FRMD7: variants seen among roughly 807,000 people sequenced by gnomAD.
FRMD7 encodes FERM domain-containing protein 7.
Under a neutral mutation model 44.1 loss-of-function variants are expected in FRMD7, and 14 were observed. The observed-to-expected ratio is 0.32, with a 90% CI of 0.21 to 0.50. The LOEUF is 0.50. Ranked by LOEUF, FRMD7 falls within the 20% of genes least tolerant of loss-of-function variation. FRMD7 has a pLI of 0.99. For missense variants in FRMD7, 501 were observed against 522.3 expected, an observed-to-expected ratio of 0.96 and a Z score of 0.40; for synonymous variants, 212 against 187.4, an observed-to-expected ratio of 1.13 and a Z score of -1.07.
rs187616822 is a variant in FRMD7 at position 132,080,338 on chromosome X, G to A, written c.906-72C>T. On this transcript the variant is annotated intron_variant, in intron 9 of 11. Transcript: ENST00000298542. ...TAGGCTACTAAAACTTGAAAGCCTC[G>A]TTTATTGTTGAAATCAAAAGACTAG... The A allele has an allele frequency of 1.9e-4, 130 of 668,365 alleles. 1 individual carries two copies. The highest frequency in any genetic ancestry group is 1.9e-3 in the African/African-American group (90 of 46,345). The allele number at this position is 668,365 out of a possible 1,213,427, so 55.1% of individuals were successfully genotyped here.
chrX:132,120,633 G>A (rs887799978), intron 1 of FRMD7, among the ~76,000 whole-genome samples: 1 of 112,333 alleles, frequency 8.9e-6, no homozygotes, highest in Non-Finnish European at 1.9e-5. Flanking sequence ...GAGTGGGAGT[G>A]GGAAGGCTGG....
chrX:132,116,983 C>G (rs1420279298), intron 1 of FRMD7, among the ~76,000 whole-genome samples: 1 of 112,079 alleles, frequency 8.9e-6, no homozygotes, highest in African/African-American at 3.2e-5. Flanking sequence ...GTTTGCACCA[C>G]TCACTGTTCT....
At position 132,086,598 on chromosome X, in the gene FRMD7, A is replaced by G. The variant is rs1370691729; in HGVS notation, c.383-564T>C. Among the ~76,000 whole-genome samples, 7 of 110,414 alleles carry G rather than the reference A, an allele frequency of 6.3e-5. No homozygotes were observed. The Admixed American group carries it at 6.8e-4, about 11-fold the overall frequency. On this transcript the variant is annotated intron_variant, in intron 5 of 11. Coordinates refer to ENST00000298542, the MANE Select transcript of FRMD7 (RefSeq NM_194277.3). ...CACCAGGGATGTGAGTACACAGAAA[A>G]AAAGACCAAGTGATAACACAACAAG...
At chrX:132,125,968 AC>A (rs1217288032) in intron 1 of FRMD7, among the ~76,000 whole-genome samples, 3 of 110,937 alleles carry the variant, frequency 2.7e-5, no homozygotes, top group Admixed American at 9.6e-5. Flanking sequence ...CCCTACCTTC[AC>A]TCACAAGGCT....
At chrX:132,106,874 G>A (rs1483784515) in intron 1 of FRMD7, among the ~76,000 whole-genome samples, 3 of 111,731 alleles carry the variant, frequency 2.7e-5, no homozygotes, top group African/African-American at 9.8e-5. Flanking sequence ...TCTACTTGAG[G>A]GTGGAGTGTG....
chrX:132,092,436 CAAAT>C, intron 5 of FRMD7, among the ~76,000 whole-genome samples: 2 of 111,793 alleles, frequency 1.8e-5, no homozygotes, highest in South Asian at 7.6e-4. Context: ...GAAAATTAGA[CAAAT>C]AAATTGCACA....
Position 132,078,680 on chromosome X carries a change from A to G in FRMD7, c.1337T>C (p.Phe446Ser). The change falls in exon 12 of 12, where the codon TTC (phenylalanine) becomes TCC (serine). Residue 446 changes from phenylalanine to serine, a missense_variant. Physicochemically the swap from Phe to Ser is radical, Grantham distance 155. Around this residue, in one of 3 missense-constraint regions of FRMD7, gnomAD observed 453 missense variants for 452.7 expected, o/e 1.00. Coordinates refer to ENST00000298542, the MANE Select transcript of FRMD7 (RefSeq NM_194277.3). The part of the protein sequence containing the change: ...IFSERSSLSS[F>S]QTSCKFSGNH... The stretch of plus-strand genomic sequence containing the variant: ...ACCAGAAAACTTACAGCTTGTTTGG[A>G]AGGAGCTTAGAGAACTCCTCTCTGA... The G allele has an allele frequency of 8.3e-7, 1 of 1,211,619 alleles. No individual in the cohort carries two copies. Among genetic ancestry groups the G allele is most frequent in the African/African-American group, 1.7e-5 (1 of 57,786 alleles).
At chrX:132,102,451 G>T (rs1311478306) in intron 1 of FRMD7, among the ~76,000 whole-genome samples, 1 of 111,922 alleles carries the variant, frequency 8.9e-6, no homozygotes. Flanking sequence ...TTCCCCTGGG[G>T]GGGGTGGCAC....
In FRMD7 at chrX:132,078,561, G is replaced by A; in HGVS notation, c.1456C>T (p.Gln486Ter). ...TGGGGAGGCATAATACCAACCTGCTGACCTGTACAAGGAATATAGGGCACA... is the reference window on the plus strand; with the variant it reads ...TGGGGAGGCATAATACCAACCTGCTAACCTGTACAAGGAATATAGGGCACA... Reference protein sequence around the residue: ...TDVPYIPCTGQQVGIMPPQVF... With the variant: ...TDVPYIPCTG Residue 486 changes from glutamine (Q) to a stop codon, truncating the protein, a stop_gained, in exon 12 of 12, where the codon CAG becomes TAG. Transcript: ENST00000298542. LOFTEE classifies it high-confidence loss of function. 8.3e-7 allele frequency: 1 copy of A among 1,211,716 alleles called. No homozygotes were observed. Among genetic ancestry groups the A allele is most frequent in the Non-Finnish European group, 1.1e-6 (1 of 895,410 alleles).
At position 132,099,486 on chromosome X, in the gene FRMD7, T is replaced by C. The variant is rs2124250741; in HGVS notation, c.187A>G (p.Ile63Val). The C allele has an allele frequency of 1.7e-6, 2 of 1,202,649 alleles. No homozygotes were observed. The highest frequency in any genetic ancestry group is 2.2e-6 in the Non-Finnish European group (2 of 889,178). ...NNVWLELLKPITKQVKNPKEI... is the reference protein window; with the variant it reads ...NNVWLELLKPVTKQVKNPKEI... The stretch of plus-strand genomic sequence containing the variant: ...TACTTACTTTTTACCTGCTTTGTTA[T>C]GGGCTTCAAAAGCTCCAGCCAAACC... Residue 63 changes from isoleucine to valine, a missense_variant, in exon 3 of 12, where the codon ATA becomes GTA. By Grantham distance (29) the Ile-to-Val change is conservative. This residue lies in a region of FRMD7 where 24 missense variants were observed against 48.0 expected (regional missense o/e 0.50). Transcript: ENST00000298542.
intron 1 of FRMD7, among the ~76,000 whole-genome samples, chrX:132,105,710 A>G (rs995468182): frequency 1.8e-5 from 2 of 111,619 alleles, no homozygotes; most frequent in African/African-American, 6.5e-5. Flanking sequence ...AGGCTGCACA[A>G]CTACAGCCAT....
At position 132,094,121 on chromosome X, in the gene FRMD7, T is replaced by C. The variant is rs752760846; in HGVS notation, c.303A>G (p.Gln101=). 18 of 1,145,338 alleles carry C rather than the reference T, an allele frequency of 1.6e-5. No individual in the cohort carries two copies. In the South Asian group the frequency reaches 3.2e-4, roughly 21 times the overall value. The allele number at this position is 1,145,338 out of a possible 1,213,427, so 94.4% of individuals were successfully genotyped here. The part of the protein sequence containing the change: ...EELTRYLFTL[Q]IKKDLALGRL... ...TTCCTAGAGCCAAATCCTTCTTTAT[T>C]TGAAGAGTAAAAAGATACCTGCAAA... The change falls in exon 5 of 12, where the codon CAA becomes CAG. Residue 101 remains glutamine, a synonymous_variant. Transcript: ENST00000298542.
chrX:132,117,989 A>G (rs781607576), intron 1 of FRMD7, among the ~76,000 whole-genome samples: 4 of 112,235 alleles, frequency 3.6e-5, no homozygotes, highest in Non-Finnish European at 7.5e-5. Flanking sequence ...ATTAAATACT[A>G]AAATGTCTAA....
chrX:132,080,684 C>T (rs1304488882), intron 9 of FRMD7, among the ~76,000 whole-genome samples: 3 of 110,920 alleles, frequency 2.7e-5, no homozygotes, highest in African/African-American at 9.9e-5. Flanking sequence ...CATGGTAGTG[C>T]ATGCCTGTAG....
At chrX:132,079,920 AT>A in intron 11 of FRMD7, 85 bp downstream of exon 11, 1 of 685,826 alleles carries the variant, frequency 1.5e-6, no homozygotes, top group Non-Finnish European at 2.4e-6. Flanking sequence ...ACACACTGGG[AT>A]TCTGGCAGAA....
intron 8 of FRMD7, among the ~76,000 whole-genome samples, chrX:132,084,178 C>T (rs1245964789): frequency 9.0e-6 from 1 of 111,708 alleles, no homozygotes; most frequent in Non-Finnish European, 1.9e-5. Context: ...ATTCTTAGTC[C>T]TAGATCTGGT....
Position 132,078,761 on chromosome X carries a change from A to T in FRMD7, c.1256T>A (p.Met419Lys). 8.3e-7 allele frequency: 1 copy of T among 1,211,428 alleles called. No homozygotes were observed. Among genetic ancestry groups the T allele is most frequent in the Non-Finnish European group, 1.1e-6 (1 of 895,112 alleles). Reference sequence around the variant, plus strand: ...GGGCTCAGTGTTAAAGACAGGGTCCATATAAATAAAAGGGAAAGAGGAACT... The same window carrying T: ...GGGCTCAGTGTTAAAGACAGGGTCCTTATAAATAAAAGGGAAAGAGGAACT... Reference protein sequence around the residue: ...QSSSSFPFIYMDPVFNTEPNP... With the variant: ...QSSSSFPFIYKDPVFNTEPNP... Residue 419 changes from methionine to lysine, a missense_variant, in exon 12 of 12, where the codon ATG becomes AAG. Met to Lys is a moderately conservative substitution (Grantham distance 95). This residue lies in a region of FRMD7 where 453 missense variants were observed against 452.7 expected (regional missense o/e 1.00). Transcript: ENST00000298542.
chrX:132,099,460 A>G lies in FRMD7; in HGVS notation c.205+8T>C. 3 of 1,193,312 alleles carry G rather than the reference A, an allele frequency of 2.5e-6. No homozygotes were observed. The highest frequency in any genetic ancestry group is 1.8e-5 in the South Asian group (1 of 56,415). On this transcript the variant is annotated splice_region_variant and intron_variant, in intron 3 of 11. Coordinates refer to ENST00000298542, the MANE Select transcript of FRMD7 (RefSeq NM_194277.3). ...AACTCTCTTCCTTAAATGATTTTCC[A>G]TACTTACTTTTTACCTGCTTTGTTA...
At chrX:132,088,483 A>C (rs1304985563) in intron 5 of FRMD7, among the ~76,000 whole-genome samples, 1 of 109,795 alleles carries the variant, frequency 9.1e-6, no homozygotes, top group Non-Finnish European at 1.9e-5. Context: ...GCTTGAGCCC[A>C]GGAATTCAAG....
Sources: allele counts gnomAD v4.1 joint callset (sites outside exome capture counted in the v4.1 genomes callset), GRCh38; gene constraint gnomAD v4.1.1; regional missense constraint gnomAD v4.1.1; transcripts MANE v1.5; gene names NCBI Gene and HGNC (gene_info 2026-07-23, HGNC 2026-07-21).